Variants in EXD3 observed in about 807,000 individuals in gnomAD.
EXD3 encodes exonuclease 3'-5' domain containing 3.
Under a neutral mutation model 98.0 loss-of-function variants are expected in EXD3, and 92 were observed. The observed-to-expected ratio is 0.94, with a 90% CI of 0.79 to 1.12. The LOEUF is 1.12. EXD3 is among the 50% of genes most tolerant of loss of function. The pLI, the probability that EXD3 is intolerant of heterozygous loss-of-function variation, is 0.00. For synonymous variants in EXD3, 569 were observed against 526.0 expected (o/e 1.08, Z -1.12); for missense variants, 1,222 against 1,191.6 (o/e 1.03, Z -0.38).
intron 2 of EXD3, among the ~76,000 whole-genome samples, chr9:137,391,650 C>G (rs1836919504): frequency 6.6e-6 from 1 of 151,864 alleles, no homozygotes; most frequent in Admixed American, 6.6e-5. Flanking sequence ...CCGCCCCGCC[C>G]CGCCTCGCCG....
intron 3 of EXD3, chr9:137,377,077 G>A (rs984887274): frequency 6.6e-6 from 1 of 152,110 alleles, no homozygotes; most frequent in African/African-American, 2.4e-5. Context: ...CTCTGACCTG[G>A]ACTCTGTGAG....
At chr9:137,417,912 C>T (rs1418319322) in intron 1 of EXD3, among the ~76,000 whole-genome samples, 1 of 151,974 alleles carries the variant, frequency 6.6e-6, no homozygotes, top group African/African-American at 2.4e-5. Context: ...GCTGGCGGGG[C>T]CGGAGGGGGT....
chr9:137,418,797 C>G (rs1838367537), intron 1 of EXD3, among the ~76,000 whole-genome samples: 1 of 151,068 alleles, frequency 6.6e-6, no homozygotes, highest in Non-Finnish European at 1.5e-5. Context: ...GAGGGAGAGA[C>G]ATTCTGTTTG....
Position 137,395,242 on chromosome 9 carries a change from A to ACCCC in EXD3, c.55+60_55+61insGGGG. 1.8e-6 allele frequency: 2 copies of ACCCC among 1,140,504 alleles called. No individual in the cohort carries two copies. Among genetic ancestry groups the ACCCC allele is most frequent in the Admixed American group, 1.7e-5 (1 of 58,582 alleles). 70.6% of individuals were successfully genotyped at this position (1,140,504 alleles called of 1,614,324 possible). ...CAGTGGGCGCCACCACCCCCCATGCACACCCACGCACCTCCCCCCACAGCC... is the reference window on the plus strand; with the variant it reads ...CAGTGGGCGCCACCACCCCCCATGCACCCCCACCCACGCACCTCCCCCCACAGCC... On this transcript the variant is annotated intron_variant, in intron 2 of 21. Coordinates refer to ENST00000340951, the MANE Select transcript of EXD3 (RefSeq NM_017820.5). This position sits in a 1 kb window ranked among gnomAD's most constrained non-coding sequence, Gnocchi z 6.5.
At position 137,355,556 on chromosome 9, in the gene EXD3, GGAGGAAGGGAGGAT is replaced by G. The variant is rs1834653053; in HGVS notation, c.757+698_757+711del. 1.3e-4 allele frequency among the ~76,000 whole-genome samples: 14 copies of G among 106,922 alleles called. 2 individuals are homozygous for G. Among genetic ancestry groups the G allele is most frequent in the African/African-American group, 3.9e-4 (11 of 28,232 alleles). 70.1% of individuals were successfully genotyped at this position (106,922 alleles called of 152,430 possible). On this transcript the variant is annotated intron_variant, in intron 8 of 21. Transcript: ENST00000340951. ...GGAAGGAGGAAGGAGGAAGGAGGAA[GGAGGAAGGGAGGAT>G]GGAGGAAGGAGGAAGGAGAAAGGGC...
At chr9:137,409,894 T>G (rs1837912108) in intron 1 of EXD3, among the ~76,000 whole-genome samples, 1 of 152,182 alleles carries the variant, frequency 6.6e-6, no homozygotes, top group Non-Finnish European at 1.5e-5. Flanking sequence ...TAACAACTGC[T>G]GGCTGGGCGC....
chr9:137,373,355 G>A, intron 4 of EXD3, 71 bp downstream of exon 4: 1 of 1,536,230 alleles, frequency 6.5e-7, no homozygotes, highest in Non-Finnish European at 8.8e-7. Flanking sequence ...TGGGCAGGTG[G>A]ATGCCGGGTC....
At chr9:137,330,778 T>C (rs79745149) in intron 17 of EXD3, among the ~76,000 whole-genome samples, 8,552 of 152,198 alleles carry the variant, frequency 0.056, 371 homozygotes, top group East Asian at 0.15. Flanking sequence ...CAGAGCTTAT[T>C]AGAAAGGAAA....
rs114699310 is a variant in EXD3, at chr9:137,397,898, G to A, written c.-47-2494C>T. 4.3e-3 allele frequency among the ~76,000 whole-genome samples: 651 copies of A among 152,098 alleles called. 6 individuals are homozygous for A. The highest frequency in any genetic ancestry group is 0.014 in the African/African-American group (579 of 41,404). On this transcript the variant is annotated intron_variant, in intron 1 of 21. Transcript: ENST00000340951. ...ATCAAGGCTGCAGTGAGCCGAGATC[G>A]CACCACTGCCTTCCAACCTGCATGA...
intron 17 of EXD3, among the ~76,000 whole-genome samples, chr9:137,334,576 A>G (rs1476519631): frequency 6.6e-6 from 1 of 152,138 alleles, no homozygotes; most frequent in Non-Finnish European, 1.5e-5. Flanking sequence ...CATATACAAA[A>G]CCCAGCTCAA....
intron 10 of EXD3, 123 bp downstream of exon 10, chr9:137,354,216 G>A: frequency 1.3e-6 from 2 of 1,491,782 alleles, no homozygotes; most frequent in Non-Finnish European, 1.8e-6. Context: ...CATGGGGTCT[G>A]GGCTCAGCAG....
At chr9:137,379,096 A>G (rs112210618) in intron 3 of EXD3, among the ~76,000 whole-genome samples, 2,073 of 51,764 alleles carry the variant, frequency 0.04, 71 homozygotes, top group African/African-American at 0.042. Flanking sequence ...GACGGTGACC[A>G]TTGCCTGTGG....
At chr9:137,309,825 TC>T (rs746039907) in intron 19 of EXD3, 125 bp from the exon 20 acceptor site, 4 of 681,558 alleles carry the variant, frequency 5.9e-6, no homozygotes, top group Non-Finnish European at 1.0e-5. Context: ...AGATAATGGG[TC>T]CCCTCCTGTC....
At chr9:137,389,898 G>A (rs1836800783) in intron 2 of EXD3, among the ~76,000 whole-genome samples, 1 of 152,052 alleles carries the variant, frequency 6.6e-6, no homozygotes, top group Non-Finnish European at 1.5e-5. Flanking sequence ...GAGGCGGGCA[G>A]ATCACCTGAG....
Position 137,385,476 on chromosome 9 carries a change from G to A in EXD3, c.56-2099C>T, listed in dbSNP as rs954560621. 3.3e-5 allele frequency among the ~76,000 whole-genome samples: 5 copies of A among 152,188 alleles called. No homozygotes were observed. The highest frequency in any genetic ancestry group is 7.3e-5 in the Non-Finnish European group (5 of 68,044). Reference sequence around the variant, plus strand: ...TGCCGAGCCGCATCATGTGCTCTGCGTTCCTTCCTACACATGGGTTGCACT... The same window carrying A: ...TGCCGAGCCGCATCATGTGCTCTGCATTCCTTCCTACACATGGGTTGCACT... On this transcript the variant is annotated intron_variant, in intron 2 of 21. Transcript: ENST00000340951. This position sits in a 1 kb window ranked among gnomAD's most constrained non-coding sequence, Gnocchi z 4.4.
chr9:137,367,573 C>G (rs1209605973), intron 6 of EXD3: 1 of 211,672 alleles, frequency 4.7e-6, no homozygotes, highest in African/African-American at 2.3e-5. Context: ...CTTCCCCCAG[C>G]CCACTGCACG....
At chr9:137,327,269 G>A (rs1314696784) in intron 17 of EXD3, among the ~76,000 whole-genome samples, 1 of 152,038 alleles carries the variant, frequency 6.6e-6, no homozygotes, top group Non-Finnish European at 1.5e-5. Context: ...GAGTAGCTGG[G>A]ACTATAGGCG....
intron 1 of EXD3, among the ~76,000 whole-genome samples, chr9:137,408,440 C>A (rs1018014338): frequency 6.6e-6 from 1 of 150,412 alleles, no homozygotes; most frequent in Non-Finnish European, 1.5e-5. Flanking sequence ...CCAGCTACTC[C>A]GGAGGCTGAG....
chr9:137,317,643 T>C (rs914522114), intron 19 of EXD3, among the ~76,000 whole-genome samples: 1 of 152,010 alleles, frequency 6.6e-6, no homozygotes, highest in Non-Finnish European at 1.5e-5. Context: ...CCCAGAATGC[T>C]GTGGAGAGGT....
Sources: allele counts gnomAD v4.1 joint callset (sites outside exome capture counted in the v4.1 genomes callset), GRCh38; gene constraint gnomAD v4.1.1; non-coding constraint Gnocchi (gnomAD v3.1); transcripts MANE v1.5; gene names NCBI Gene and HGNC (gene_info 2026-07-23, HGNC 2026-07-21).